Variants in TJAP1 observed in about 807,000 individuals in gnomAD.
TJAP1 encodes the protein tight junction-associated protein 1.
Under a neutral mutation model 42.0 loss-of-function variants are expected in TJAP1, and 27 were observed. That is an observed-to-expected ratio of 0.64 (90% CI 0.47 to 0.89). TJAP1 has a LOEUF of 0.89. Ranked by LOEUF, TJAP1 falls within the 40% of genes least tolerant of loss-of-function variation. The pLI is 0.00. For synonymous variants in TJAP1, 257 were observed against 288.4 expected, an observed-to-expected ratio of 0.89 and a Z score of 1.10; for missense variants, 712 against 726.9, an observed-to-expected ratio of 0.98 and a Z score of 0.24.
chr6:43,479,352 G>T (rs1164584460), intron 2 of TJAP1, among the ~76,000 whole-genome samples: 1 of 152,196 alleles, frequency 6.6e-6, no homozygotes, highest in Non-Finnish European at 1.5e-5. Flanking sequence ...AGTACCTTTA[G>T]GTATTTGAAG....
intron 6 of TJAP1, among the ~76,000 whole-genome samples, chr6:43,502,076 A>ACTCT (rs529451483): frequency 0.045 from 3,086 of 68,948 alleles, 505 homozygotes; most frequent in Non-Finnish European, 0.055. Flanking sequence ...ACACACACAC[A>ACTCT]CTCTCTCTCT....
intron 8 of TJAP1, chr6:43,502,970 C>T (rs1387355994): frequency 6.3e-6 from 3 of 478,636 alleles, no homozygotes; most frequent in African/African-American, 5.9e-5. Flanking sequence ...CAGCTTGCTC[C>T]CTGCTCAACA....
chr6:43,489,636 A>G (rs1189817498), intron 2 of TJAP1: 3 of 152,150 alleles, frequency 2.0e-5, no homozygotes, highest in African/African-American at 7.2e-5. Flanking sequence ...AACAGGCGAG[A>G]TAGAGGAGCT....
Position 43,505,298 on chromosome 6 carries a change from A to T in TJAP1, c.1117A>T (p.Ser373Cys). 1 of 1,611,190 alleles carries T rather than the reference A, an allele frequency of 6.2e-7. No homozygotes were observed. Among genetic ancestry groups the T allele is most frequent in the Non-Finnish European group, 8.5e-7 (1 of 1,179,652 alleles). Residue 373 changes from serine to cysteine, a missense_variant, in exon 11 of 11, where the codon AGC becomes TGC. By Grantham distance (112) the Ser-to-Cys change is moderately radical (BLOSUM62 -1). Around this residue, in one of 3 missense-constraint regions of TJAP1, gnomAD observed 549 missense variants for 528.2 expected, o/e 1.04. Transcript: ENST00000372449. The surrounding 1 kb of genome is among the most constrained non-coding windows in gnomAD (Gnocchi z 5.5). ...GGAGGGGAGTGAGCGGGCCCGCCCC[A>T]GCCCAGTGCCCAGCACCCCTGCCTC...
chr6:43,494,294 G>A (rs1788530090), intron 2 of TJAP1, among the ~76,000 whole-genome samples: 1 of 152,220 alleles, frequency 6.6e-6, no homozygotes, highest in African/African-American at 2.4e-5. Context: ...GCTATGCAGA[G>A]CATGGCAGAA....
Position 43,505,859 on chromosome 6 carries a change from C to G in TJAP1, c.*4C>G, listed in dbSNP as rs1792274204. 2.1e-6 allele frequency: 3 copies of G among 1,453,144 alleles called. No homozygotes were observed. The highest frequency in any genetic ancestry group is 2.7e-6 in the Non-Finnish European group (3 of 1,106,982). The allele number at this position is 1,453,144 out of a possible 1,614,324, so 90.0% of individuals were successfully genotyped here. On this transcript the variant is annotated 3_prime_UTR_variant, in exon 11 of 11. Transcript: ENST00000372449. This position sits in a 1 kb window ranked among gnomAD's most constrained non-coding sequence, Gnocchi z 5.5. ...GCAGGGCAACCTGCTCAACTAGGGC[C>G]CCTGCTGGCCTTCCTGCCATTGCTG... is the stretch of plus-strand genomic sequence containing the variant.
intron 2 of TJAP1, chr6:43,497,067 C>T (rs138102864): frequency 3.3e-4 from 51 of 152,434 alleles, no homozygotes; most frequent in African/African-American, 1.2e-3. Flanking sequence ...GGGTTTTCTT[C>T]ACGAGTGTTC....
chr6:43,500,646 G>C, intron 4 of TJAP1, 98 bp from the exon 5 acceptor site: 1 of 1,368,210 alleles, frequency 7.3e-7, no homozygotes, highest in Non-Finnish European at 1.0e-6. Context: ...AGAGTCTTTG[G>C]GCTTCACACC....
chr6:43,497,681 G>T (rs1789522515), intron 2 of TJAP1, 200 bp from the exon 3 acceptor site: 1 of 152,262 alleles, frequency 6.6e-6, no homozygotes, highest in Admixed American at 6.5e-5. Context: ...TGACAGTACT[G>T]TCATGGAGAA....
rs1038530541 is a variant in TJAP1 at position 43,491,175 on chromosome 6, G to A, written c.-121-6706G>A. Reference sequence around the variant, plus strand: ...TGTAAATGGGAGAGGGTGTGTTATGGGCCCGGAGCGAGGAGGATAGCACTC... The same window carrying A: ...TGTAAATGGGAGAGGGTGTGTTATGAGCCCGGAGCGAGGAGGATAGCACTC... On this transcript the variant is annotated intron_variant, in intron 2 of 10. Transcript: ENST00000372449. The surrounding 1 kb of genome is among the most constrained non-coding windows in gnomAD (Gnocchi z 4.6). Among the ~76,000 whole-genome samples the A allele has an allele frequency of 1.3e-5, 2 of 151,972 alleles. No homozygotes were observed. The highest frequency in any genetic ancestry group is 4.8e-5 in the African/African-American group (2 of 41,344).
At chr6:43,504,362 G>A (rs893978382) in intron 10 of TJAP1, 5 of 231,270 alleles carry the variant, frequency 2.2e-5, no homozygotes, top group Admixed American at 5.2e-5. Context: ...TGATCCACCC[G>A]CCTCGGCCTC....
intron 3 of TJAP1, among the ~76,000 whole-genome samples, chr6:43,498,480 G>A (rs554098402): frequency 6.6e-6 from 1 of 152,294 alleles, no homozygotes; most frequent in African/African-American, 2.4e-5. Flanking sequence ...AGCCCAGGAG[G>A]TCGAGGCTGC....
chr6:43,479,143 C>G (rs1784798706), intron 2 of TJAP1, among the ~76,000 whole-genome samples: 1 of 152,160 alleles, frequency 6.6e-6, no homozygotes, highest in South Asian at 2.1e-4. Context: ...CCTTCACTTC[C>G]TTTGGTGAGT....
intron 10 of TJAP1, 78 bp downstream of exon 10, chr6:43,503,784 A>T: frequency 1.6e-6 from 2 of 1,289,714 alleles, no homozygotes; most frequent in Non-Finnish European, 2.3e-6. Flanking sequence ...CAGTTTCTGC[A>T]CCTCTCTCTG....
exon 11 of TJAP1, chr6:43,506,028 G>A (rs1276869405): frequency 1.5e-5 from 8 of 533,074 alleles, no homozygotes; most frequent in East Asian, 3.3e-5. Context: ...TGTCAGCTGC[G>A]TTGACTGACT....
chr6:43,497,366 GCCT>G (rs769285035), intron 2 of TJAP1: 1 of 152,260 alleles, frequency 6.6e-6, no homozygotes, highest in Non-Finnish European at 1.5e-5. Context: ...CTAGCCCTAT[GCCT>G]CCTCATTGCA....
chr6:43,483,542 T>A (rs1466834158), intron 2 of TJAP1, among the ~76,000 whole-genome samples: 1 of 152,264 alleles, frequency 6.6e-6, no homozygotes, highest in Admixed American at 6.5e-5. Flanking sequence ...GTGAGGGCTC[T>A]GTTTACTTGT....
intron 4 of TJAP1, 53 bp from the exon 5 acceptor site, chr6:43,500,691 G>A (rs947567433): frequency 1.2e-6 from 2 of 1,612,382 alleles, no homozygotes; most frequent in Non-Finnish European, 1.7e-6. Flanking sequence ...GGGTGAGCCA[G>A]CCGGGGGTCC....
At chr6:43,487,833 A>G (rs758196895) in intron 2 of TJAP1, among the ~76,000 whole-genome samples, 29 of 151,658 alleles carry the variant, frequency 1.9e-4, no homozygotes, top group Non-Finnish European at 3.2e-4. Context: ...AAAGATAGGG[A>G]ACCACTGTTC....
Sources: gnomAD v4.1 joint callset for allele counts (sites outside exome capture counted in the v4.1 genomes callset) on GRCh38, gnomAD v4.1.1 for gene constraint, gnomAD v4.1.1 regional missense constraint, Gnocchi (gnomAD v3.1) non-coding constraint, MANE v1.5 for transcripts, NCBI Gene and HGNC (gene_info 2026-07-23, HGNC 2026-07-21) for gene names.